The following KIAA1755 variants were observed in gnomAD, a reference collection of about 807,000 sequenced individuals.
KIAA1755 encodes KIAA1755.
A neutral mutation model predicts 91.7 loss-of-function variants in KIAA1755; 68 were observed. That is an observed-to-expected ratio of 0.74 (90% CI 0.61 to 0.91). The LOEUF is 0.91. Ranked by LOEUF, KIAA1755 falls within the 40% of genes least tolerant of loss-of-function variation. The pLI is 0.00. For synonymous variants in KIAA1755, 610 were observed against 604.6 expected (o/e 1.01, Z -0.13); for missense variants, 1,535 against 1,494.4 (o/e 1.03, Z -0.45).
chr20:38,218,443 A>T, intron 11 of KIAA1755, 77 bp from the exon 12 acceptor site: 1 of 1,576,522 alleles, frequency 6.3e-7, no homozygotes, highest in Admixed American at 1.7e-5. Flanking sequence ...ACTTCCTTGC[A>T]GGCTGAGGTC....
chr20:38,249,819 G>A (rs1202905253), intron 1 of KIAA1755, among the ~76,000 whole-genome samples: 1 of 151,576 alleles, frequency 6.6e-6, no homozygotes. Flanking sequence ...CACCAATCAT[G>A]GTCAAACTCT....
chr20:38,212,630 G>A lies in KIAA1755; in HGVS notation c.*412C>T, dbSNP rs118069277. The stretch of plus-strand genomic sequence containing the variant: ...CAAGGAAGCACTCCCGAATCTCCCC[G>A]AGGATTCTGCCTAAGGGCAACACTG... On this transcript the variant is annotated 3_prime_UTR_variant, in exon 14 of 14. Transcript: ENST00000279024. The A allele has an allele frequency of 0.014, 2,368 of 164,412 alleles. 18 individuals are homozygous for A. Among genetic ancestry groups the A allele is most frequent in the Non-Finnish European group, 0.023 (1,733 of 76,152 alleles). 10.2% of individuals were successfully genotyped at this position (164,412 alleles called of 1,614,324 possible).
chr20:38,240,307 C>T (rs983161662), intron 3 of KIAA1755, among the ~76,000 whole-genome samples: 8 of 152,136 alleles, frequency 5.3e-5, no homozygotes, highest in Non-Finnish European at 7.4e-5. Context: ...ATAGGGAGAA[C>T]GTGGACTCAG....
At chr20:38,242,183 A>G (rs1455908856) in intron 2 of KIAA1755, among the ~76,000 whole-genome samples, 1 of 152,214 alleles carries the variant, frequency 6.6e-6, no homozygotes, top group East Asian at 1.9e-4. Context: ...CTAGTTAGCA[A>G]TCGGCTTTCC....
chr20:38,230,079 G>A (rs1445353427), intron 5 of KIAA1755, among the ~76,000 whole-genome samples: 2 of 152,214 alleles, frequency 1.3e-5, no homozygotes, highest in Non-Finnish European at 2.9e-5. Flanking sequence ...CCAGTCCTGA[G>A]CAGCATCCCC....
rs751473389 is a variant in KIAA1755, at chr20:38,213,739, G to A, written c.2906C>T (p.Thr969Ile). The A allele has an allele frequency of 6.8e-7, 1 of 1,465,034 alleles. No individual in the cohort carries two copies. Among genetic ancestry groups the A allele is most frequent in the Non-Finnish European group, 9.0e-7 (1 of 1,108,538 alleles). The allele number at this position is 1,465,034 out of a possible 1,614,324, so 90.8% of individuals were successfully genotyped here. Residue 969 changes from threonine to isoleucine, a missense_variant, in exon 14 of 14, where the codon ACC (threonine) becomes ATC (isoleucine). Coordinates refer to ENST00000279024, the MANE Select transcript of KIAA1755 (RefSeq NM_001029864.2). The part of the protein sequence containing the change: ...LHLHRFCKRM[T>I]WFHMDCQDLM... ...GTCCTGACAGTCCATGTGGAACCAG[G>A]TCATCTGGGGGACAAGAAGAGAGGG...
rs369371713 is a variant in KIAA1755 at position 38,219,231 on chromosome 20, AG to A, written c.2556+398del. On this transcript the variant is annotated intron_variant, in intron 11 of 13. Coordinates refer to ENST00000279024, the MANE Select transcript of KIAA1755 (RefSeq NM_001029864.2). ...AGTCAGATGAAGCCACACCAGGTGC[AG>A]GTTCCAGAATCAGACCCCGAGATAT... Among the ~76,000 whole-genome samples, 750 of 152,232 alleles carry A rather than the reference AG, an allele frequency of 4.9e-3. 4 individuals carry two copies. The highest frequency in any genetic ancestry group is 0.017 in the African/African-American group (710 of 41,512).
At chr20:38,252,803 AGCTCTTG>A (rs1200223297) in intron 1 of KIAA1755, among the ~76,000 whole-genome samples, 1 of 152,194 alleles carries the variant, frequency 6.6e-6, no homozygotes, top group Non-Finnish European at 1.5e-5. Context: ...CAGAGCTCCG[AGCTCTTG>A]GCCAGCACAT....
chr20:38,226,929 C>T (rs1318278903), intron 7 of KIAA1755, among the ~76,000 whole-genome samples: 1 of 152,188 alleles, frequency 6.6e-6, no homozygotes, highest in Non-Finnish European at 1.5e-5. Flanking sequence ...CCAGGAGCTG[C>T]TAGGATTGCC....
At chr20:38,244,765 A>G (rs1172387146) in intron 2 of KIAA1755, among the ~76,000 whole-genome samples, 1 of 151,980 alleles carries the variant, frequency 6.6e-6, no homozygotes, top group Non-Finnish European at 1.5e-5. Flanking sequence ...CTGGAGTGCA[A>G]TGGCGTGATC....
At position 38,241,502 on chromosome 20, in the gene KIAA1755, T is replaced by C; in HGVS notation, c.629A>G (p.Asp210Gly). ...GTGCAACTCTTGAGGGCTGCTCAAATCCAGTGCCTCTAATGGAAGGGGCCC... is the reference window on the plus strand; with the variant it reads ...GTGCAACTCTTGAGGGCTGCTCAAACCCAGTGCCTCTAATGGAAGGGGCCC... Reference protein sequence around the residue: ...AWGPLPLEALDLSSPQELHQA... With the variant: ...AWGPLPLEALGLSSPQELHQA... Residue 210 changes from aspartate to glycine, a missense_variant, in exon 3 of 14, where the codon GAT becomes GGT. By Grantham distance (94) the Asp-to-Gly change is moderately conservative. Transcript: ENST00000279024. 1 of 1,614,230 alleles carries C rather than the reference T, an allele frequency of 6.2e-7. No individual in the cohort carries two copies. Among genetic ancestry groups the C allele is most frequent in the East Asian group, 2.2e-5 (1 of 44,880 alleles).
chr20:38,241,095 T>A lies in KIAA1755; in HGVS notation c.1036A>T (p.Arg346Trp). Residue 346 changes from arginine to tryptophan, a missense_variant, in exon 3 of 14, where the codon AGG (arginine) becomes TGG (tryptophan). Physicochemically the swap from Arg to Trp is moderately radical, Grantham distance 101. Transcript: ENST00000279024. ...ACTKPESSEE[R>W]PYNLGFRRKV... The stretch of plus-strand genomic sequence containing the variant: ...CTCCTGAAGCCCAAATTATAGGGCC[T>A]CTCCTCAGAGCTTTCTGGCTTTGTG... The A allele has an allele frequency of 6.2e-7, 1 of 1,614,118 alleles. No individual in the cohort carries two copies. Among genetic ancestry groups the A allele is most frequent in the Non-Finnish European group, 8.5e-7 (1 of 1,179,986 alleles).
At chr20:38,217,499 C>T (rs1425270601) in intron 12 of KIAA1755, 25 bp from the exon 13 acceptor site, 2 of 1,538,568 alleles carry the variant, frequency 1.3e-6, no homozygotes, top group African/African-American at 1.4e-5. Flanking sequence ...GAGGGGGCGC[C>T]CACTCAGCAC....
chr20:38,222,716 A>G, intron 9 of KIAA1755, 119 bp from the exon 10 acceptor site: 1 of 1,097,658 alleles, frequency 9.1e-7, no homozygotes, highest in Non-Finnish European at 1.3e-6. Context: ...TCCTCCAGAA[A>G]GTCTGTCATT....
At position 38,213,143 on chromosome 20, in the gene KIAA1755, G is replaced by C; in HGVS notation, c.3502C>G (p.Gln1168Glu). ...FFRQQPPRQSQVPRLTGGSFS... is the reference protein window; with the variant it reads ...FFRQQPPRQSEVPRLTGGSFS... ...CTGCCCCCAGTGAGGCGAGGGACCT[G>C]GCTCTGCCTGGGGGGCTGCTGCCGG... is the stretch of plus-strand genomic sequence containing the variant. Residue 1168 changes from glutamine to glutamate, a missense_variant, in exon 14 of 14, where the codon CAG (glutamine) becomes GAG (glutamate). Transcript: ENST00000279024. 6.2e-7 allele frequency: 1 copy of C among 1,613,206 alleles called. No individual in the cohort carries two copies. Among genetic ancestry groups the C allele is most frequent in the East Asian group, 2.2e-5 (1 of 44,880 alleles).
At chr20:38,231,416 G>C (rs1213415385) in intron 4 of KIAA1755, 91 bp from the exon 5 acceptor site, 2 of 1,374,764 alleles carry the variant, frequency 1.5e-6, no homozygotes, top group African/African-American at 2.9e-5. Context: ...TGGCCGTAAC[G>C]GTTCCTTTGC....
rs1465057206 is a variant in KIAA1755, at chr20:38,241,265, G to C, written c.866C>G (p.Ser289Cys). 1 of 1,614,158 alleles carries C rather than the reference G, an allele frequency of 6.2e-7. No individual in the cohort carries two copies. Among genetic ancestry groups the C allele is most frequent in the Admixed American group, 1.7e-5 (1 of 60,022 alleles). The change falls in exon 3 of 14, where the codon TCT (serine) becomes TGT (cysteine). Residue 289 changes from serine (S) to cysteine (C), a missense_variant. Transcript: ENST00000279024. ...GGATGTGCCTGCCTCCCTACTGGGA[G>C]ACTCTCCTCTGCTCTCTTGGGAAAA... ...LGFSQESRGESPSREAGTSSG... is the reference protein window; with the variant it reads ...LGFSQESRGECPSREAGTSSG...
At chr20:38,242,027 T>A in intron 2 of KIAA1755, 98 bp from the exon 3 acceptor site, 1 of 1,267,382 alleles carries the variant, frequency 7.9e-7, no homozygotes, top group Non-Finnish European at 1.1e-6. Context: ...CTGGAACAGG[T>A]CAGGGACTAG....
intron 1 of KIAA1755, among the ~76,000 whole-genome samples, chr20:38,252,489 C>T (rs770813490): frequency 3.3e-5 from 5 of 152,118 alleles, no homozygotes; most frequent in African/African-American, 4.8e-5. Context: ...CTGATCTTGC[C>T]CAAGACCGCA....
Sources: allele counts gnomAD v4.1 joint callset (sites outside exome capture counted in the v4.1 genomes callset), GRCh38; gene constraint gnomAD v4.1.1; transcripts MANE v1.5; gene names NCBI Gene and HGNC (gene_info 2026-07-23, HGNC 2026-07-21).